Variants in BMPER observed in about 807,000 individuals in gnomAD.
The protein encoded by BMPER is BMP-binding endothelial regulator protein.
Under a neutral mutation model 87.3 loss-of-function variants are expected in BMPER, and 45 were observed. That is an observed-to-expected ratio of 0.52 (90% CI 0.41 to 0.66). The LOEUF is 0.66. Among genes scored for constraint, BMPER ranks in the 30% least tolerant of loss-of-function variants. The probability of loss-of-function intolerance (pLI) is 0.00; values close to 1 mark genes in which losing one functional copy is unlikely to be tolerated. For synonymous variants in BMPER, 326 were observed against 316.2 expected (o/e 1.03, Z -0.33); for missense variants, 784 against 867.5 (o/e 0.90, Z 1.21).
chr7:34,084,845 T>C (rs547219851), intron 12 of BMPER, among the ~76,000 whole-genome samples: 1 of 152,364 alleles, frequency 6.6e-6, no homozygotes, highest in Non-Finnish European at 1.5e-5. Context: ...TGGGCCAGCA[T>C]GTCTGGAGGT....
At chr7:34,039,023 G>C (rs549695051) in intron 6 of BMPER, among the ~76,000 whole-genome samples, 6 of 152,118 alleles carry the variant, frequency 3.9e-5, no homozygotes, top group Non-Finnish European at 2.9e-5. Flanking sequence ...ACTGTTTCTC[G>C]CTGACCTCTT....
At chr7:34,035,772 G>A (rs1326763949) in intron 6 of BMPER, among the ~76,000 whole-genome samples, 1 of 152,186 alleles carries the variant, frequency 6.6e-6, no homozygotes, top group Non-Finnish European at 1.5e-5. Context: ...TATGGCTTCT[G>A]CCCTCTGTGA....
intron 6 of BMPER, among the ~76,000 whole-genome samples, chr7:34,039,595 C>G (rs1008382872): frequency 8.6e-6 from 1 of 116,804 alleles, no homozygotes; most frequent in Non-Finnish European, 1.8e-5. Flanking sequence ...GTGGGTAAGA[C>G]ACACAAATAC....
At chr7:34,047,792 T>TTCCTTCC in intron 7 of BMPER, among the ~76,000 whole-genome samples, 1 of 141,980 alleles carries the variant, frequency 7.0e-6, no homozygotes, top group Non-Finnish European at 1.5e-5. Flanking sequence ...TTTTCTTTCC[T>TTCCTTCC]TCCTTCCTTC....
At position 34,013,020 on chromosome 7, in the gene BMPER, C is replaced by T. The variant is rs181842777; in HGVS notation, c.577-33286C>T. Among the ~76,000 whole-genome samples, 432 of 151,916 alleles carry T rather than the reference C, an allele frequency of 2.8e-3. 9 individuals are homozygous for T. Among genetic ancestry groups the T allele is most frequent in the Non-Finnish European group, 3.7e-4 (25 of 67,892 alleles). On this transcript the variant is annotated intron_variant, in intron 6 of 14. Transcript: ENST00000649409. ...TTCTGGAATCCCCAGATGTTTCAGC[C>T]CAGAAACCCTGGCTCAACAACAGGC...
chr7:34,035,006 G>A (rs1669343027), intron 6 of BMPER, among the ~76,000 whole-genome samples: 1 of 152,158 alleles, frequency 6.6e-6, no homozygotes, highest in African/African-American at 2.4e-5. Context: ...CCAACAGACT[G>A]TACACTTGTT....
At position 34,055,309 on chromosome 7, in the gene BMPER, T is replaced by A. The variant is rs1373263188; in HGVS notation, c.927+6T>A. 9.9e-6 allele frequency: 16 copies of A among 1,613,778 alleles called. No individual in the cohort carries two copies. Among genetic ancestry groups the A allele is most frequent in the Middle Eastern group, 1.7e-4 (1 of 5,912 alleles). ...TTGGCAACAAGATTTTCCAGGTATG[T>A]CATGAGACAAGCACATGGGAACTCC... is the stretch of plus-strand genomic sequence containing the variant. On this transcript the variant is annotated splice_donor_region_variant and intron_variant, in intron 9 of 14. Transcript: ENST00000649409.
intron 11 of BMPER, among the ~76,000 whole-genome samples, chr7:34,073,623 C>G (rs1788790531): frequency 6.6e-6 from 1 of 152,116 alleles, no homozygotes; most frequent in African/African-American, 2.4e-5. Flanking sequence ...TAAGGTCTGG[C>G]TTAGAAGTTA....
chr7:33,977,140 G>C (rs914077254), intron 6 of BMPER, among the ~76,000 whole-genome samples: 6 of 152,046 alleles, frequency 3.9e-5, no homozygotes, highest in African/African-American at 1.4e-4. Context: ...TGTCAGTTTG[G>C]GTATGGGGAG....
chr7:34,013,774 C>T (rs889078459), intron 6 of BMPER, among the ~76,000 whole-genome samples: 1 of 151,726 alleles, frequency 6.6e-6, no homozygotes, highest in Non-Finnish European at 1.5e-5. Flanking sequence ...TTAGCATGAC[C>T]CACCCATTTT....
intron 7 of BMPER, among the ~76,000 whole-genome samples, chr7:34,049,084 T>G (rs1788070851): frequency 1.3e-5 from 2 of 152,194 alleles, no homozygotes; most frequent in African/African-American, 4.8e-5. Context: ...CAGGGTTCAT[T>G]CACATGATAT....
chr7:34,082,750 ATTTAG>A (rs1789087569), intron 12 of BMPER, among the ~76,000 whole-genome samples: 1 of 152,158 alleles, frequency 6.6e-6, no homozygotes, highest in South Asian at 2.1e-4. Flanking sequence ...CAAGTCTCAA[ATTTAG>A]TATAGCATTG....
chr7:33,976,774 A>G (rs1785697868), intron 6 of BMPER, among the ~76,000 whole-genome samples: 1 of 152,216 alleles, frequency 6.6e-6, no homozygotes, highest in Non-Finnish European at 1.5e-5. Context: ...ACAGCCAGCC[A>G]GAGTTATCCA....
At chr7:33,947,850 G>A (rs755998327) in intron 3 of BMPER, among the ~76,000 whole-genome samples, 34 of 152,186 alleles carry the variant, frequency 2.2e-4, no homozygotes, top group Non-Finnish European at 3.5e-4. Flanking sequence ...CCTGGAAGAT[G>A]ATCATGGCTT....
intron 12 of BMPER, among the ~76,000 whole-genome samples, chr7:34,082,778 A>G (rs1242540370): frequency 1.3e-5 from 2 of 152,184 alleles, no homozygotes; most frequent in Non-Finnish European, 2.9e-5. Context: ...AGTAGTAAAG[A>G]CGTTGGAAAT....
chr7:34,066,156 C>A (rs373091059), intron 11 of BMPER, among the ~76,000 whole-genome samples: 1 of 152,156 alleles, frequency 6.6e-6, no homozygotes, highest in African/African-American at 2.4e-5. Flanking sequence ...TGAAGTGCAT[C>A]TATAGAACAT....
At position 34,011,599 on chromosome 7, in the gene BMPER, A is replaced by AG. The variant is rs558135948; in HGVS notation, c.577-34707_577-34706insG. Reference sequence around the variant, plus strand: ...TGGTCAGGGCAAAAAAAAAAAAAAAAAAAAAGAAAAAAAAAGAAAGAAAAA... The same window carrying AG: ...TGGTCAGGGCAAAAAAAAAAAAAAAAGAAAAAGAAAAAAAAAGAAAGAAAAA... On this transcript the variant is annotated intron_variant, in intron 6 of 14. Transcript: ENST00000649409. Among the ~76,000 whole-genome samples the AG allele has an allele frequency of 4.5e-3, 669 of 148,620 alleles. 5 individuals carry two copies. The highest frequency in any genetic ancestry group is 0.024 in the Middle Eastern group (7 of 290).
At chr7:34,141,049 CG>C (rs879486125) in intron 13 of BMPER, among the ~76,000 whole-genome samples, 25 of 152,054 alleles carry the variant, frequency 1.6e-4, no homozygotes, top group Non-Finnish European at 3.2e-4. Flanking sequence ...CTGGGGCAGC[CG>C]AAAATGTCGC....
chr7:34,015,553 C>G (rs1357273526), intron 6 of BMPER, among the ~76,000 whole-genome samples: 1 of 151,942 alleles, frequency 6.6e-6, no homozygotes, highest in Non-Finnish European at 1.5e-5. Flanking sequence ...TGTGACAGAG[C>G]TTCCAACTTT....
Sources: allele counts gnomAD v4.1 joint callset (sites outside exome capture counted in the v4.1 genomes callset), GRCh38; gene constraint gnomAD v4.1.1; transcripts MANE v1.5; gene names NCBI Gene and HGNC (gene_info 2026-07-23, HGNC 2026-07-21).